DRD1: variants seen among roughly 807,000 people sequenced by gnomAD.
DRD1 encodes the protein dopamine receptor D1, also known as D(1A) dopamine receptor.
DRD1 carries 2 observed loss-of-function variants against 23.8 expected under a neutral mutation model. The ratio of observed to expected loss-of-function variants is 0.08; its 90% CI spans 0.03 to 0.26. DRD1 has a LOEUF of 0.26. Among genes scored for constraint, DRD1 ranks in the 10% least tolerant of loss-of-function variants. The pLI, the probability that DRD1 is intolerant of heterozygous loss-of-function variation, is 1.00. For synonymous variants in DRD1, 218 were observed against 225.7 expected (o/e 0.97, Z 0.30); for missense variants, 376 against 559.0 (o/e 0.67, Z 3.30).
At position 175,442,379 on chromosome 5, in the gene DRD1, A is replaced by G. The variant is rs752518690; in HGVS notation, c.721T>C (p.Cys241Arg). Residue 241 changes from cysteine (C) to arginine (R), a missense_variant, in exon 2 of 2, where the codon TGC (cysteine) becomes CGC (arginine). Physicochemically the swap from Cys to Arg is radical, Grantham distance 180. This residue lies in a region of DRD1 where 44 missense variants were observed against 46.7 expected (regional missense o/e 0.94). Coordinates refer to ENST00000393752, the MANE Select transcript of DRD1 (RefSeq NM_000794.5). The surrounding 1 kb of genome is among the most constrained non-coding windows in gnomAD (Gnocchi z 7.3). Reference protein sequence around the residue: ...LERAAVHAKNCQTTTGNGKPV... With the variant: ...LERAAVHAKNRQTTTGNGKPV... ...TTTCCATTACCTGTGGTGGTCTGGC[A>G]ATTCTTGGCGTGGACTGCTGCCCTC... is the stretch of plus-strand genomic sequence containing the variant. 3 of 1,614,146 alleles carry G rather than the reference A, an allele frequency of 1.9e-6. No individual in the cohort carries two copies. The highest frequency in any genetic ancestry group is 2.2e-5 in the South Asian group (2 of 91,074).
rs879844008 is a variant in DRD1, at chr5:175,442,990, G to A, written c.110C>T (p.Thr37Met). ...ACFLSLLILS[T>M]LLGNTLVCAA... ...ACAGACCAGCGTGTTCCCCAGGAGC[G>A]TGGACAGGATGAGCAGCGACAGGAA... Residue 37 changes from threonine to methionine, a missense_variant, in exon 2 of 2, where the codon ACG becomes ATG. Physicochemically the swap from Thr to Met is moderately conservative, Grantham distance 81 (BLOSUM62 -1). Coordinates refer to ENST00000393752, the MANE Select transcript of DRD1 (RefSeq NM_000794.5). The surrounding 1 kb of genome is among the most constrained non-coding windows in gnomAD (Gnocchi z 7.3). The A allele has an allele frequency of 3.1e-6, 5 of 1,613,984 alleles. No individual in the cohort carries two copies. Among genetic ancestry groups the A allele is most frequent in the Non-Finnish European group, 3.4e-6 (4 of 1,180,044 alleles).
Position 175,441,645 on chromosome 5 carries a change from G to T in DRD1, c.*114C>A. On this transcript the variant is annotated 3_prime_UTR_variant, in exon 2 of 2. Transcript: ENST00000393752. ...TAATTGTGTGTTGGAAAGCAGCAGA[G>T]GGCTCTCCTGACACCTCAGAGTCTC... The T allele has an allele frequency of 7.6e-7, 1 of 1,320,958 alleles. No individual in the cohort carries two copies. Among genetic ancestry groups the T allele is most frequent in the South Asian group, 1.5e-5 (1 of 66,206 alleles). 81.8% of individuals were successfully genotyped at this position (1,320,958 alleles called of 1,614,324 possible).
chr5:175,443,137 C>T lies in DRD1; in HGVS notation c.-38G>A. 6.3e-7 allele frequency: 1 copy of T among 1,589,232 alleles called. No homozygotes were observed. Among genetic ancestry groups the T allele is most frequent in the Non-Finnish European group, 8.6e-7 (1 of 1,166,920 alleles). On this transcript the variant is annotated 5_prime_UTR_variant, in exon 2 of 2. Transcript: ENST00000393752. ...AAGCACATCAGGGGCTCTGACACCC[C>T]TCAAGTTCCCAAGCAGGGAATAGGG...
chr5:175,442,203 C>A lies in DRD1; in HGVS notation c.897G>T (p.Gly299=), dbSNP rs1351944044. 4 of 1,614,146 alleles carry A rather than the reference C, an allele frequency of 2.5e-6. No individual in the cohort carries two copies. The Admixed American group carries it at 6.7e-5, about 27-fold the overall frequency. ...TGCAGAAGGGCTGCGTCTCCCCAGA[C>A]CCACAGAAGGGCAAAATGCAGTTCA... ...FILNCILPFC[G]SGETQPFCID... The change falls in exon 2 of 2, where the codon GGG becomes GGT. Residue 299 remains glycine (G), a synonymous_variant. Transcript: ENST00000393752. This position sits in a 1 kb window ranked among gnomAD's most constrained non-coding sequence, Gnocchi z 7.3.
chr5:175,442,204 C>A lies in DRD1; in HGVS notation c.896G>T (p.Gly299Val), dbSNP rs1758535946. Residue 299 changes from glycine to valine, a missense_variant, in exon 2 of 2, where the codon GGG (glycine) becomes GTG (valine). Physicochemically the swap from Gly to Val is moderately radical, Grantham distance 109. This residue lies in a region of DRD1 where 47 missense variants were observed against 106.7 expected (regional missense o/e 0.44). Transcript: ENST00000393752. This position sits in a 1 kb window ranked among gnomAD's most constrained non-coding sequence, Gnocchi z 7.3. ...GCAGAAGGGCTGCGTCTCCCCAGAC[C>A]CACAGAAGGGCAAAATGCAGTTCAA... ...FILNCILPFC[G>V]SGETQPFCID... 1 of 1,614,014 alleles carries A rather than the reference C, an allele frequency of 6.2e-7. No individual in the cohort carries two copies. The highest frequency in any genetic ancestry group is 1.3e-5 in the African/African-American group (1 of 74,918).
rs1450425019 is a variant in DRD1 at position 175,444,101 on chromosome 5, C to T, written c.-886G>A. 2 of 152,294 alleles carry T rather than the reference C, an allele frequency of 1.3e-5. No homozygotes were observed. Among genetic ancestry groups the T allele is most frequent in the African/African-American group, 4.8e-5 (2 of 41,444 alleles). The allele number at this position is 152,294 out of a possible 1,614,324, so 9.4% of individuals were successfully genotyped here. On this transcript the variant is annotated 5_prime_UTR_variant, in exon 1 of 2. Transcript: ENST00000393752. ...AGCCCTACAGAGCAGGGCCCCGCGC[C>T]TCCCCGCAGGCACTGCCCGCGACCT...
At position 175,441,949 on chromosome 5, in the gene DRD1, T is replaced by C. The variant is rs1447146472; in HGVS notation, c.1151A>G (p.Glu384Gly). The C allele has an allele frequency of 6.2e-7, 1 of 1,613,992 alleles. No homozygotes were observed. The highest frequency in any genetic ancestry group is 2.2e-5 in the East Asian group (1 of 44,872). The part of the protein sequence containing the change: ...HHEPRGSISK[E>G]CNLVYLIPHA... The stretch of plus-strand genomic sequence containing the variant: ...TGGGATCAGGTAAACCAGATTGCAC[T>C]CCTTGGAGATGGAGCCTCGTGGCTC... Residue 384 changes from glutamate (E) to glycine (G), a missense_variant, in exon 2 of 2, where the codon GAG (glutamate) becomes GGG (glycine). Glu to Gly is a moderately conservative substitution (Grantham distance 98). Transcript: ENST00000393752.
rs1313318564 is a variant in DRD1 at position 175,443,391 on chromosome 5, G to A, written c.-292C>T. The stretch of plus-strand genomic sequence containing the variant: ...CCCTGAATTCCCCAAATAAAGCACT[G>A]GCTTTTTAGCATATTCTAAATCATC... On this transcript the variant is annotated 5_prime_UTR_variant, in exon 2 of 2. The change creates a premature stop within an existing upstream ORF in the 5' untranslated region. Transcript: ENST00000393752. The A allele has an allele frequency of 6.6e-6, 3 of 455,542 alleles. No individual in the cohort carries two copies. The highest frequency in any genetic ancestry group is 1.2e-5 in the Non-Finnish European group (3 of 245,456). 28.2% of individuals were successfully genotyped at this position (455,542 alleles called of 1,614,324 possible).
Position 175,443,069 on chromosome 5 carries a change from C to A in DRD1, c.31G>T (p.Gly11Trp). Residue 11 changes from glycine to tryptophan, a missense_variant, in exon 2 of 2, where the codon GGG becomes TGG. Transcript: ENST00000393752. MRTLNTSAMDGTGLVVERDFS... is the reference protein window; with the variant it reads MRTLNTSAMDWTGLVVERDFS... ...TCCCTCTCCACCACCAGCCCAGTCC[C>A]GTCCATGGCAGAGGTGTTCAGAGTC... 1 of 1,614,108 alleles carries A rather than the reference C, an allele frequency of 6.2e-7. No individual in the cohort carries two copies. Among genetic ancestry groups the A allele is most frequent in the Non-Finnish European group, 8.5e-7 (1 of 1,180,012 alleles).
chr5:175,441,827 C>A lies in DRD1; in HGVS notation c.1273G>T (p.Asp425Tyr), dbSNP rs766964125. 1.2e-6 allele frequency: 2 copies of A among 1,612,960 alleles called. No homozygotes were observed. Among genetic ancestry groups the A allele is most frequent in the Non-Finnish European group, 8.5e-7 (1 of 1,179,498 alleles). Residue 425 changes from aspartate (D) to tyrosine (Y), a missense_variant, in exon 2 of 2, where the codon GAC becomes TAC. Asp to Tyr is a radical substitution (Grantham distance 160). Coordinates refer to ENST00000393752, the MANE Select transcript of DRD1 (RefSeq NM_000794.5). ...KLSPALSVIL[D>Y]YDTDVSLEKI... ...TCCAGAGAGACGTCAGTGTCATAGT[C>A]CAATATGACTGATAGGGCTGGGGAC...
Position 175,442,950 on chromosome 5 carries a change from C to T in DRD1, c.150G>A (p.Arg50=), listed in dbSNP as rs5330. 2 of 1,613,988 alleles carry T rather than the reference C, an allele frequency of 1.2e-6. No individual in the cohort carries two copies. The highest frequency in any genetic ancestry group is 8.5e-7 in the Non-Finnish European group (1 of 1,180,028). The stretch of plus-strand genomic sequence containing the variant: ...TCACCTTGGACCGCAGGTGTCGGAA[C>T]CTGATAACGGCAGCACAGACCAGCG... ...GNTLVCAAVI[R]FRHLRSKVTN... Residue 50 remains arginine, a synonymous_variant, in exon 2 of 2, where the codon AGG becomes AGA. Coordinates refer to ENST00000393752, the MANE Select transcript of DRD1 (RefSeq NM_000794.5). This position sits in a 1 kb window ranked among gnomAD's most constrained non-coding sequence, Gnocchi z 7.3.
At position 175,442,176 on chromosome 5, in the gene DRD1, A is replaced by G. The variant is rs759420920; in HGVS notation, c.924T>C (p.Ile308=). The change falls in exon 2 of 2, where the codon ATT becomes ATC. Residue 308 remains isoleucine, a synonymous_variant. Transcript: ENST00000393752. This position sits in a 1 kb window ranked among gnomAD's most constrained non-coding sequence, Gnocchi z 7.3. ...CGSGETQPFC[I]DSNTFDVFVW... is the part of the protein sequence containing the mutation. ...CAAACACGTCAAAGGTGTTGGAATC[A>G]ATGCAGAAGGGCTGCGTCTCCCCAG... 44 of 1,614,102 alleles carry G rather than the reference A, an allele frequency of 2.7e-5. No homozygotes were observed. Among genetic ancestry groups the G allele is most frequent in the Middle Eastern group, 1.6e-4 (1 of 6,084 alleles).
At position 175,442,956 on chromosome 5, in the gene DRD1, A is replaced by G; in HGVS notation, c.144T>C (p.Val48=). The G allele has an allele frequency of 6.2e-7, 1 of 1,614,016 alleles. No individual in the cohort carries two copies. Among genetic ancestry groups the G allele is most frequent in the Non-Finnish European group, 8.5e-7 (1 of 1,180,010 alleles). ...LLGNTLVCAA[V]IRFRHLRSKV... ...TGGACCGCAGGTGTCGGAACCTGAT[A>G]ACGGCAGCACAGACCAGCGTGTTCC... Residue 48 remains valine, a synonymous_variant, in exon 2 of 2, where the codon GTT becomes GTC. Transcript: ENST00000393752. The surrounding 1 kb of genome is among the most constrained non-coding windows in gnomAD (Gnocchi z 7.3).
In DRD1 at chr5:175,442,435, T is replaced by C; in HGVS notation, c.665A>G (p.Gln222Arg). The C allele has an allele frequency of 6.2e-7, 1 of 1,614,264 alleles. No individual in the cohort carries two copies. The highest frequency in any genetic ancestry group is 1.1e-5 in the South Asian group (1 of 91,088). The stretch of plus-strand genomic sequence containing the variant: ...GGCCGCAATGCGCCGTATTTGTTTC[T>C]GAGCAATCCTGTAGATCCTGGTGTA... ...VTYTRIYRIA[Q>R]KQIRRIAALE... Residue 222 changes from glutamine to arginine, a missense_variant, in exon 2 of 2, where the codon CAG (glutamine) becomes CGG (arginine). Coordinates refer to ENST00000393752, the MANE Select transcript of DRD1 (RefSeq NM_000794.5). The surrounding 1 kb of genome is among the most constrained non-coding windows in gnomAD (Gnocchi z 7.3).
rs749967573 is a variant in DRD1, at chr5:175,442,041, C to T, written c.1059G>A (p.Ala353=). ...TCACCGTCTCTATGGCATTATTCGT[C>T]GCAGGGCAAAGTCTGTAGCATCCTA... ...TLLGCYRLCP[A]TNNAIETVSI... The change falls in exon 2 of 2, where the codon GCG becomes GCA. Residue 353 remains alanine, a synonymous_variant. Coordinates refer to ENST00000393752, the MANE Select transcript of DRD1 (RefSeq NM_000794.5). This position sits in a 1 kb window ranked among gnomAD's most constrained non-coding sequence, Gnocchi z 7.3. 3.7e-6 allele frequency: 6 copies of T among 1,614,000 alleles called. No homozygotes were observed. Among genetic ancestry groups the T allele is most frequent in the Non-Finnish European group, 4.2e-6 (5 of 1,180,040 alleles).
At position 175,442,467 on chromosome 5, in the gene DRD1, A is replaced by T. The variant is rs200975855; in HGVS notation, c.633T>A (p.Ile211=). 2 of 1,614,132 alleles carry T rather than the reference A, an allele frequency of 1.2e-6. No individual in the cohort carries two copies. The highest frequency in any genetic ancestry group is 1.7e-6 in the Non-Finnish European group (2 of 1,180,034). ...ISFYIPVAIM[I]VTYTRIYRIA... is the part of the protein sequence containing the mutation. ...TCCTGTAGATCCTGGTGTAGGTGAC[A>T]ATCATGATGGCCACAGGGATGTAAA... is the stretch of plus-strand genomic sequence containing the variant. Residue 211 remains isoleucine, a synonymous_variant, in exon 2 of 2, where the codon ATT becomes ATA. Coordinates refer to ENST00000393752, the MANE Select transcript of DRD1 (RefSeq NM_000794.5). The surrounding 1 kb of genome is among the most constrained non-coding windows in gnomAD (Gnocchi z 7.3).
rs374239045 is a variant in DRD1, at chr5:175,441,993, C to T, written c.1107G>A (p.Ala369=). Residue 369 remains alanine, a synonymous_variant, in exon 2 of 2, where the codon GCG becomes GCA. Coordinates refer to ENST00000393752, the MANE Select transcript of DRD1 (RefSeq NM_000794.5). The part of the protein sequence containing the change: ...ETVSINNNGA[A]MFSSHHEPRG... Reference sequence around the variant, plus strand: ...GTGGCTCATGATGGCTGGAAAACATCGCGGCCCCATTGTTATTGATACTCA... The same window carrying T: ...GTGGCTCATGATGGCTGGAAAACATTGCGGCCCCATTGTTATTGATACTCA... 5.0e-6 allele frequency: 8 copies of T among 1,614,002 alleles called. No individual in the cohort carries two copies. The highest frequency in any genetic ancestry group is 3.3e-5 in the South Asian group (3 of 91,084).
Position 175,442,863 on chromosome 5 carries a change from G to A in DRD1, c.237C>T (p.Pro79=), listed in dbSNP as rs776666364. The A allele has an allele frequency of 6.2e-7, 1 of 1,614,108 alleles. No homozygotes were observed. The highest frequency in any genetic ancestry group is 1.7e-5 in the Admixed American group (1 of 60,008). The change falls in exon 2 of 2, where the codon CCC becomes CCT. Residue 79 remains proline, a synonymous_variant. Transcript: ENST00000393752. This position sits in a 1 kb window ranked among gnomAD's most constrained non-coding sequence, Gnocchi z 7.3. ...SDLLVAVLVM[P]WKAVAEIAGF... is the part of the protein sequence containing the mutation. ...CAGCAATCTCAGCCACTGCCTTCCA[G>A]GGCATGACCAGGACGGCCACCAAGA...
chr5:175,443,060 G>A lies in DRD1; in HGVS notation c.40C>T (p.Leu14=). Residue 14 remains leucine (L), a synonymous_variant, in exon 2 of 2, where the codon CTG becomes TTG. Coordinates refer to ENST00000393752, the MANE Select transcript of DRD1 (RefSeq NM_000794.5). ...LNTSAMDGTG[L]VVERDFSVRI... is the part of the protein sequence containing the mutation. Reference sequence around the variant, plus strand: ...ACAGAGAAGTCCCTCTCCACCACCAGCCCAGTCCCGTCCATGGCAGAGGTG... The same window carrying A: ...ACAGAGAAGTCCCTCTCCACCACCAACCCAGTCCCGTCCATGGCAGAGGTG... 3.1e-6 allele frequency: 5 copies of A among 1,614,164 alleles called. No individual in the cohort carries two copies. The highest frequency in any genetic ancestry group is 4.2e-6 in the Non-Finnish European group (5 of 1,180,028).
Sources: allele counts gnomAD v4.1 joint callset, GRCh38; gene constraint gnomAD v4.1.1; regional missense constraint gnomAD v4.1.1; non-coding constraint Gnocchi (gnomAD v3.1); transcripts MANE v1.5; gene names NCBI Gene and HGNC (gene_info 2026-07-23, HGNC 2026-07-21).